GPC3: variants seen among roughly 807,000 people sequenced by gnomAD.
GPC3 encodes glypican-3.
In GPC3, 3 loss-of-function variants were observed where a neutral mutation model predicts 34.4. The ratio of observed to expected loss-of-function variants is 0.09; its 90% CI spans 0.04 to 0.23. The LOEUF (loss-of-function observed/expected upper bound fraction) is 0.23, where lower values mean the gene tolerates loss of function less well. Ranked by LOEUF, GPC3 falls within the 10% of genes least tolerant of loss-of-function variation. The pLI, the probability that GPC3 is intolerant of heterozygous loss-of-function variation, is 1.00. For missense variants in GPC3, 351 were observed against 445.6 expected (o/e 0.79, Z 1.91); for synonymous variants, 177 against 174.0 (o/e 1.02, Z -0.13).
chrX:133,851,450 A>G (rs2075873390), intron 2 of GPC3, among the ~76,000 whole-genome samples: 1 of 111,375 alleles, frequency 9.0e-6, no homozygotes, highest in African/African-American at 3.3e-5. Flanking sequence ...TCCCTTCCCT[A>G]CTTCCCAATA....
At chrX:133,927,536 A>G (rs12688610) in intron 2 of GPC3, among the ~76,000 whole-genome samples, 4,838 of 108,354 alleles carry the variant, frequency 0.045, 116 homozygotes, top group East Asian at 0.1. Context: ...GAGTGCCTTG[A>G]TGCAATCATG....
At chrX:133,641,250 C>T (rs971358570) in intron 6 of GPC3, among the ~76,000 whole-genome samples, 8 of 109,974 alleles carry the variant, frequency 7.3e-5, no homozygotes, top group East Asian at 2.9e-4. Context: ...CCGAGGCAGG[C>T]GCATCACTTG....
chrX:133,917,991 C>T (rs1366825450), intron 2 of GPC3, among the ~76,000 whole-genome samples: 1 of 112,089 alleles, frequency 8.9e-6, no homozygotes, highest in Non-Finnish European at 1.9e-5. Context: ...AATTGAAAAA[C>T]GTAGGTGAAA....
chrX:133,616,308 C>A (rs1432802061), intron 6 of GPC3, among the ~76,000 whole-genome samples: 1 of 111,388 alleles, frequency 9.0e-6, no homozygotes, highest in African/African-American at 3.3e-5. Context: ...ACACTTAGAG[C>A]CTAACAAAAG....
chrX:133,552,016 A>G (rs1172359394), intron 7 of GPC3, among the ~76,000 whole-genome samples: 4 of 112,910 alleles, frequency 3.5e-5, no homozygotes, highest in Non-Finnish European at 7.5e-5. Flanking sequence ...GAACTTTCTA[A>G]TAACACAATC....
chrX:133,851,117 A>AAAT (rs2075872125), intron 2 of GPC3, among the ~76,000 whole-genome samples: 1 of 111,058 alleles, frequency 9.0e-6, no homozygotes, highest in Admixed American at 9.5e-5. Flanking sequence ...ACAAACAAAC[A>AAAT]AATAATAATA....
At chrX:133,720,240 C>A (rs1394094150) in intron 3 of GPC3, among the ~76,000 whole-genome samples, 1 of 111,949 alleles carries the variant, frequency 8.9e-6, no homozygotes, top group Non-Finnish European at 1.9e-5. Context: ...ACGTTTATAG[C>A]AGCATAATTT....
intron 6 of GPC3, among the ~76,000 whole-genome samples, chrX:133,606,602 T>C (rs1346614814): frequency 1.8e-5 from 2 of 110,690 alleles, no homozygotes; most frequent in South Asian, 3.9e-4. Context: ...TGAATTTTTT[T>C]TTGTAGAGAC....
At position 133,620,869 on chromosome X, in the gene GPC3, A is replaced by C. The variant is rs181282823; in HGVS notation, c.1414-24270T>G. On this transcript the variant is annotated intron_variant, in intron 6 of 7. Coordinates refer to ENST00000370818, the MANE Select transcript of GPC3 (RefSeq NM_004484.4). ...AACCATCTATGACCTGGAAGCCTAC[A>C]TTTCCGGTTTTCCTACCTTTCCGGA... 1.8e-3 allele frequency among the ~76,000 whole-genome samples: 202 copies of C among 111,487 alleles called. 1 individual carries two copies. Among genetic ancestry groups the C allele is most frequent in the African/African-American group, 6.3e-3 (194 of 30,683 alleles).
chrX:133,927,260 T>C (rs2124618842), intron 2 of GPC3, among the ~76,000 whole-genome samples: 1 of 110,412 alleles, frequency 9.1e-6, no homozygotes, highest in East Asian at 2.8e-4. Context: ...TTTTGAACGA[T>C]GCCAGAGATG....
At chrX:133,589,160 A>G (rs780443386) in intron 7 of GPC3, among the ~76,000 whole-genome samples, 1 of 111,758 alleles carries the variant, frequency 8.9e-6, no homozygotes, top group Non-Finnish European at 1.9e-5. Flanking sequence ...ATATCTGTGT[A>G]CCAAGGGCAA....
intron 2 of GPC3, among the ~76,000 whole-genome samples, chrX:133,905,762 T>C (rs186813244): frequency 9.0e-6 from 1 of 111,357 alleles, no homozygotes; most frequent in Non-Finnish European, 1.9e-5. Flanking sequence ...TTGCTTCCTG[T>C]TGAGACAGAA....
At chrX:133,692,270 G>A (rs1005123327) in intron 5 of GPC3, 99 bp downstream of exon 5, 1 of 911,954 alleles carries the variant, frequency 1.1e-6, no homozygotes, top group African/African-American at 1.9e-5. Context: ...GAATTTTTCT[G>A]GTGCAATTAA....
At chrX:133,682,933 C>T (rs2070960644) in intron 5 of GPC3, among the ~76,000 whole-genome samples, 1 of 104,745 alleles carries the variant, frequency 9.5e-6, no homozygotes, top group Admixed American at 1.0e-4. Context: ...TGCCACTGCA[C>T]TCCAGCCTGG....
At chrX:133,728,162 C>T (rs7884345) in intron 3 of GPC3, among the ~76,000 whole-genome samples, 4,524 of 111,666 alleles carry the variant, frequency 0.041, 249 homozygotes, top group African/African-American at 0.14. Flanking sequence ...TCAGTTCTCC[C>T]CACATGCAAA....
intron 1 of GPC3, among the ~76,000 whole-genome samples, chrX:133,982,365 TA>T (rs1464081016): frequency 1.8e-5 from 2 of 111,726 alleles, no homozygotes; most frequent in Non-Finnish European, 3.8e-5. Flanking sequence ...TACAAATCCT[TA>T]AAAAAATAAG....
chrX:133,826,198 G>A (rs1337842790), intron 2 of GPC3, among the ~76,000 whole-genome samples: 2 of 111,738 alleles, frequency 1.8e-5, no homozygotes, highest in Non-Finnish European at 3.8e-5. Flanking sequence ...CTGTTCCTGA[G>A]TATGCACAGA....
chrX:133,846,626 A>C (rs955048426), intron 2 of GPC3, among the ~76,000 whole-genome samples: 1 of 111,810 alleles, frequency 8.9e-6, no homozygotes, highest in Non-Finnish European at 1.9e-5. Flanking sequence ...ATGAAAAGGC[A>C]GAACTCACTC....
At chrX:133,941,609 C>T (rs920292904) in intron 2 of GPC3, among the ~76,000 whole-genome samples, 2 of 112,165 alleles carry the variant, frequency 1.8e-5, no homozygotes, top group South Asian at 7.4e-4. Context: ...GAATTACCTA[C>T]CTATTTCCAC....
Sources: allele counts gnomAD v4.1 joint callset (sites outside exome capture counted in the v4.1 genomes callset), GRCh38; gene constraint gnomAD v4.1.1; transcripts MANE v1.5; gene names NCBI Gene and HGNC (gene_info 2026-07-23, HGNC 2026-07-21).